Variants in SLA2 observed in about 807,000 individuals in gnomAD.
SLA2 encodes src-like-adapter 2.
A neutral mutation model predicts 27.3 loss-of-function variants in SLA2; 22 were observed. That is an observed-to-expected ratio of 0.81 (90% CI 0.58 to 1.15). The LOEUF is 1.15. Among genes scored for constraint, SLA2 ranks in the 50% most tolerant of loss-of-function variants. The probability of loss-of-function intolerance (pLI) is 0.00; values close to 1 mark genes in which losing one functional copy is unlikely to be tolerated. For missense variants in SLA2, 304 were observed against 322.2 expected (o/e 0.94, Z 0.43); for synonymous variants, 131 against 137.8 (o/e 0.95, Z 0.34).
intron 5 of SLA2, among the ~76,000 whole-genome samples, chr20:36,619,796 AT>A (rs59590840): frequency 0.9 from 134,916 of 149,196 alleles, 61,181 homozygotes; most frequent in African/African-American, 0.93. Context: ...ACACGTGGCT[AT>A]TTTTTTTTGT....
In SLA2 at chr20:36,613,713, G is replaced by C. The variant is rs560454846; in HGVS notation, c.*153C>G. ...TAGGTGACTTCTAAGGGCTAAGAGA[G>C]GAAAGAGCAAGGGTACAGGTGGGAC... On this transcript the variant is annotated 3_prime_UTR_variant, in exon 8 of 8. Coordinates refer to ENST00000262866, the MANE Select transcript of SLA2 (RefSeq NM_032214.4). 599 of 911,146 alleles carry C rather than the reference G, an allele frequency of 6.6e-4. No individual in the cohort carries two copies. The highest frequency in any genetic ancestry group is 8.9e-4 in the Non-Finnish European group (546 of 616,360). The allele number at this position is 911,146 out of a possible 1,614,324, so 56.4% of individuals were successfully genotyped here.
At chr20:36,625,803 G>A (rs1226139723) in intron 5 of SLA2, among the ~76,000 whole-genome samples, 2 of 147,900 alleles carry the variant, frequency 1.4e-5, no homozygotes, top group East Asian at 2.0e-4. Flanking sequence ...CTCCAGCCTG[G>A]GCAATAGAGT....
intron 5 of SLA2, chr20:36,621,039 T>G (rs1204417705): frequency 2.9e-6 from 1 of 348,890 alleles, no homozygotes; most frequent in African/African-American, 2.1e-5. Context: ...GTGGAAACTT[T>G]GGTGGAAGAG....
chr20:36,621,333 C>T, intron 5 of SLA2: 1 of 613,338 alleles, frequency 1.6e-6, no homozygotes, highest in Non-Finnish European at 3.1e-6. Context: ...TGAAAGGAGG[C>T]AGTTTTGGTG....
chr20:36,616,269 G>A (rs1309952277), intron 5 of SLA2, among the ~76,000 whole-genome samples: 2 of 150,568 alleles, frequency 1.3e-5, no homozygotes, highest in Non-Finnish European at 3.0e-5. Flanking sequence ...ATACACTGAT[G>A]AATGACAGTT....
Position 36,614,506 on chromosome 20 carries a change from G to A in SLA2, c.533-69C>T, listed in dbSNP as rs1600813786. 8 of 1,528,474 alleles carry A rather than the reference G, an allele frequency of 5.2e-6. No homozygotes were observed. In the East Asian group the frequency reaches 1.8e-4, roughly 35 times the overall value. 94.7% of individuals were successfully genotyped at this position (1,528,474 alleles called of 1,614,324 possible). A position where few individuals can be genotyped will look rare whatever the true frequency, so the allele number is the denominator to read the frequency against. On this transcript the variant is annotated intron_variant, in intron 6 of 7. Coordinates refer to ENST00000262866, the MANE Select transcript of SLA2 (RefSeq NM_032214.4). ...ACTTCTCCCCAACAGCCCTCACCCTGACAGCCCTCTGCAGTTGGCAGGAGG... is the reference window on the plus strand; with the variant it reads ...ACTTCTCCCCAACAGCCCTCACCCTAACAGCCCTCTGCAGTTGGCAGGAGG...
chr20:36,627,809 T>C (rs879315167), intron 5 of SLA2, among the ~76,000 whole-genome samples: 8 of 152,116 alleles, frequency 5.3e-5, no homozygotes, highest in Admixed American at 4.6e-4. Flanking sequence ...CTTGGGAAGA[T>C]GGGGTCTTCC....
intron 2 of SLA2, among the ~76,000 whole-genome samples, chr20:36,635,800 C>T (rs574616623): frequency 2.0e-5 from 3 of 152,182 alleles, no homozygotes; most frequent in Non-Finnish European, 4.4e-5. Context: ...TGGCCTTGCA[C>T]TCCCGGGGGC....
intron 2 of SLA2, among the ~76,000 whole-genome samples, chr20:36,635,566 T>C (rs2039436396): frequency 6.6e-6 from 1 of 151,798 alleles, no homozygotes; most frequent in African/African-American, 2.4e-5. Context: ...ATGGACTAGT[T>C]CCCCACATCC....
At chr20:36,620,565 C>CT (rs35429682) in intron 5 of SLA2, 2,200 of 107,570 alleles carry the variant, frequency 0.02, 59 homozygotes, top group East Asian at 0.031. Context: ...ACCACACTGG[C>CT]TTTTTTTTTT....
chr20:36,623,526 T>TA (rs1028538139), intron 5 of SLA2, among the ~76,000 whole-genome samples: 1 of 152,152 alleles, frequency 6.6e-6, no homozygotes, highest in African/African-American at 2.4e-5. Flanking sequence ...CTACTAGAAC[T>TA]AAAAGTAAAT....
intron 5 of SLA2, among the ~76,000 whole-genome samples, chr20:36,626,990 G>A (rs2039346100): frequency 6.6e-6 from 1 of 152,192 alleles, no homozygotes; most frequent in Non-Finnish European, 1.5e-5. Flanking sequence ...CTGGGAAGGC[G>A]ATAGTCTGGG....
At position 36,643,343 on chromosome 20, in the gene SLA2, G is replaced by A. The variant is rs552153703; in HGVS notation, c.-43-1965C>T. ...TTCTTTTCAGTAGGGACAAGGCACAGTTACACAATTGGCCCAGTTCAGCTG... is the reference window on the plus strand; with the variant it reads ...TTCTTTTCAGTAGGGACAAGGCACAATTACACAATTGGCCCAGTTCAGCTG... On this transcript the variant is annotated intron_variant, in intron 1 of 7. Coordinates refer to ENST00000262866, the MANE Select transcript of SLA2 (RefSeq NM_032214.4). Among the ~76,000 whole-genome samples the A allele has an allele frequency of 2.0e-5, 3 of 152,336 alleles. No individual in the cohort carries two copies. In the South Asian group the frequency reaches 6.2e-4, roughly 32 times the overall value.
In SLA2 at chr20:36,617,633, G is replaced by A. The variant is rs569402232; in HGVS notation, c.383-2259C>T. 1.8e-4 allele frequency among the ~76,000 whole-genome samples: 27 copies of A among 151,444 alleles called. No individual in the cohort carries two copies. The South Asian group carries it at 2.1e-3, about 12-fold the overall frequency. ...AGCACTTTGGGAGGCCAAGGCAGGCGGATCACAAGGTCAGGAGATCAAGAC... is the reference window on the plus strand; with the variant it reads ...AGCACTTTGGGAGGCCAAGGCAGGCAGATCACAAGGTCAGGAGATCAAGAC... On this transcript the variant is annotated intron_variant, in intron 5 of 7. Coordinates refer to ENST00000262866, the MANE Select transcript of SLA2 (RefSeq NM_032214.4).
chr20:36,638,913 C>A (rs1383895083), intron 2 of SLA2, among the ~76,000 whole-genome samples: 1 of 151,434 alleles, frequency 6.6e-6, no homozygotes. Context: ...GTGGTGTGAT[C>A]TCGGCTCACT....
At position 36,636,620 on chromosome 20, in the gene SLA2, A is replaced by AT. The variant is rs1469126554; in HGVS notation, c.92-2032_92-2031insA. Among the ~76,000 whole-genome samples, 1,074 of 127,870 alleles carry AT rather than the reference A, an allele frequency of 8.4e-3. 18 individuals carry two copies. Among genetic ancestry groups the AT allele is most frequent in the African/African-American group, 0.034 (983 of 28,678 alleles). The allele number at this position is 127,870 out of a possible 152,430, so 83.9% of individuals were successfully genotyped here. A position where few individuals can be genotyped will look rare whatever the true frequency, so the allele number is the denominator to read the frequency against. The stretch of plus-strand genomic sequence containing the variant: ...AACTCCATCTCAAAAAGAAAAAAAA[A>AT]AAAATATATATATATATATATATAT... On this transcript the variant is annotated intron_variant, in intron 2 of 7. Coordinates refer to ENST00000262866, the MANE Select transcript of SLA2 (RefSeq NM_032214.4).
intron 4 of SLA2, 54 bp downstream of exon 4, chr20:36,633,489 T>G: frequency 1.4e-6 from 2 of 1,454,324 alleles, no homozygotes; most frequent in Non-Finnish European, 1.9e-6. Context: ...GGGGAGTTCT[T>G]GTGGGAGGAG....
chr20:36,636,178 G>C (rs1024936487), intron 2 of SLA2, among the ~76,000 whole-genome samples: 1 of 151,344 alleles, frequency 6.6e-6, no homozygotes, highest in Admixed American at 6.6e-5. Flanking sequence ...AGCACTTTGG[G>C]AGGCCGAGGC....
intron 5 of SLA2, among the ~76,000 whole-genome samples, chr20:36,619,653 CAG>C (rs1395371616): frequency 1.8e-4 from 26 of 146,568 alleles, no homozygotes; most frequent in Middle Eastern, 3.6e-3. Context: ...TTTTTTGAGA[CAG>C]AGTCTCGCTC....
Sources: gnomAD v4.1 joint callset for allele counts (sites outside exome capture counted in the v4.1 genomes callset) on GRCh38, gnomAD v4.1.1 for gene constraint, MANE v1.5 for transcripts, NCBI Gene and HGNC (gene_info 2026-07-23, HGNC 2026-07-21) for gene names.